SNRPN: variants seen among roughly 807,000 people sequenced by gnomAD.
The protein encoded by SNRPN is small nuclear ribonucleoprotein-associated protein N.
In SNRPN, 7 loss-of-function variants were observed where a neutral mutation model predicts 25.2. The ratio of observed to expected loss-of-function variants is 0.28; its 90% CI spans 0.16 to 0.52. The LOEUF is 0.52. Among genes scored for constraint, SNRPN ranks in the 20% least tolerant of loss-of-function variants. The probability of loss-of-function intolerance (pLI) is 0.96; values close to 1 mark genes in which losing one functional copy is unlikely to be tolerated. For synonymous variants in SNRPN, 124 were observed against 110.6 expected (o/e 1.12, Z -0.76); for missense variants, 196 against 322.5 (o/e 0.61, Z 3.00).
At chr15:24,856,368 A>G (rs763964233), upstream of SNRPN, among the ~76,000 whole-genome samples, 12 of 152,170 alleles carry the variant, frequency 7.9e-5, no homozygotes, top group Non-Finnish European at 1.5e-4. Flanking sequence ...ATTTTATGAG[A>G]TGTCAACACT....
At chr15:24,956,254 T>C (rs201416814) in intron 1 of SNRPN, among the ~76,000 whole-genome samples, 1 of 151,416 alleles carries the variant, frequency 6.6e-6, no homozygotes, top group African/African-American at 2.4e-5. Flanking sequence ...TGGAAGGCTA[T>C]GTCGAAATAA....
intron 2 of SNRPN, among the ~76,000 whole-genome samples, chr15:24,896,075 A>G (rs2058066083): frequency 6.6e-6 from 1 of 152,222 alleles, no homozygotes; most frequent in Non-Finnish European, 1.5e-5. Flanking sequence ...GATGCACAGA[A>G]CACATTAGTT....
chr15:24,825,754 C>T (rs1170226435), intron 1 of SNRPN, among the ~76,000 whole-genome samples: 2 of 152,012 alleles, frequency 1.3e-5, no homozygotes, highest in Non-Finnish European at 2.9e-5. Flanking sequence ...TTAAATATCT[C>T]ATGTAACTTA....
chr15:24,836,859 T>C (rs2051244592), intron 2 of SNRPN, among the ~76,000 whole-genome samples: 1 of 152,132 alleles, frequency 6.6e-6, no homozygotes, highest in African/African-American at 2.4e-5. Flanking sequence ...GGTAATAAAC[T>C]GGGAGGAACT....
At chr15:24,885,199 T>G (rs2057089166) in intron 1 of SNRPN, among the ~76,000 whole-genome samples, 2 of 152,168 alleles carry the variant, frequency 1.3e-5, no homozygotes, top group African/African-American at 4.8e-5. Flanking sequence ...GTTGTAGGAG[T>G]GTATCCTTGC....
At chr15:24,922,028 C>T (rs1242240523) in intron 3 of SNRPN, among the ~76,000 whole-genome samples, 2 of 140,090 alleles carry the variant, frequency 1.4e-5, no homozygotes, top group Non-Finnish European at 3.0e-5. Flanking sequence ...GTGAAACCTC[C>T]GTCTCTACTA....
intron 1 of SNRPN, among the ~76,000 whole-genome samples, chr15:24,868,233 CTTA>C (rs1338456125): frequency 1.3e-5 from 2 of 151,978 alleles, no homozygotes; most frequent in Admixed American, 6.6e-5. Flanking sequence ...CTATTGTTTC[CTTA>C]TTATAGGCAA....
At position 24,841,454 on chromosome 15, in the gene SNRPN, T is replaced by C. The variant is rs116654546; in HGVS notation, c.-579+11549T>C. ...ATAAGCATCACGGGCCACCAGTTTG[T>C]TCCCAAACCTCCCAATGTCATCCGT... On this transcript the variant is annotated intron_variant, in intron 2 of 12. Coordinates refer to the SNRPN transcript ENST00000400100. 5.3e-3 allele frequency among the ~76,000 whole-genome samples: 811 copies of C among 152,274 alleles called. 8 individuals are homozygous for C. The highest frequency in any genetic ancestry group is 0.019 in the African/African-American group (791 of 41,584).
intron 2 of SNRPN, among the ~76,000 whole-genome samples, chr15:24,837,471 C>T (rs1430203194): frequency 1.3e-5 from 2 of 148,924 alleles, no homozygotes; most frequent in Non-Finnish European, 3.0e-5. Context: ...TGGGTTCACG[C>T]CATTCTCCTG....
chr15:24,871,281 C>T (rs2055097977), intron 1 of SNRPN, among the ~76,000 whole-genome samples: 1 of 151,994 alleles, frequency 6.6e-6, no homozygotes, highest in African/African-American at 2.4e-5. Context: ...GATGTAGCGA[C>T]CATGCAGGAA....
At chr15:24,927,281 T>G (rs2060446606) in intron 3 of SNRPN, among the ~76,000 whole-genome samples, 2 of 151,832 alleles carry the variant, frequency 1.3e-5, no homozygotes, top group African/African-American at 4.8e-5. Flanking sequence ...CTACCGTACC[T>G]GGCTAATTTT....
chr15:24,944,305 C>T (rs2061747235), intron 3 of SNRPN, among the ~76,000 whole-genome samples: 1 of 152,208 alleles, frequency 6.6e-6, no homozygotes, highest in Non-Finnish European at 1.5e-5. Context: ...CTACTTTGTT[C>T]AGTGAAATTA....
At chr15:24,934,639 A>G (rs1249343667) in intron 3 of SNRPN, among the ~76,000 whole-genome samples, 1 of 152,000 alleles carries the variant, frequency 6.6e-6, no homozygotes, top group African/African-American at 2.4e-5. Context: ...GCTCACTGCA[A>G]CCTCCACCCG....
intron 2 of SNRPN, among the ~76,000 whole-genome samples, chr15:24,842,708 T>C (rs1041834821): frequency 2.0e-5 from 3 of 152,084 alleles, no homozygotes; most frequent in African/African-American, 7.2e-5. Context: ...AAGGCCAGGG[T>C]TGTTCCAGAC....
intron 2 of SNRPN, 91 bp downstream of exon 2, chr15:24,962,300 C>A: frequency 2.9e-6 from 3 of 1,032,778 alleles, no homozygotes; most frequent in Non-Finnish European, 4.5e-6. Flanking sequence ...TTAAAATGAA[C>A]ATAATTGAAG....
intron 2 of SNRPN, among the ~76,000 whole-genome samples, chr15:24,966,444 G>C (rs2075648420): frequency 6.6e-6 from 1 of 152,004 alleles, no homozygotes; most frequent in Admixed American, 6.6e-5. Flanking sequence ...TTTTTGTTGG[G>C]GATTCATTAT....
At chr15:24,826,361 G>T (rs28412352) in intron 1 of SNRPN, among the ~76,000 whole-genome samples, 79,311 of 151,906 alleles carry the variant, frequency 0.52, 21,480 homozygotes, top group East Asian at 0.81. Context: ...GAACTCTCTT[G>T]AAGCAATAAC....
intron 2 of SNRPN, among the ~76,000 whole-genome samples, chr15:24,890,506 C>A (rs1473976348): frequency 6.6e-6 from 1 of 152,030 alleles, no homozygotes; most frequent in Non-Finnish European, 1.5e-5. Context: ...GAAACCCCAC[C>A]TCTACTAAAA....
chr15:24,834,445 A>C (rs1352158490), intron 2 of SNRPN, among the ~76,000 whole-genome samples: 1 of 152,102 alleles, frequency 6.6e-6, no homozygotes, highest in East Asian at 1.9e-4. Context: ...AATGGAGCTT[A>C]CAGCTCAGAC....
Sources: allele counts gnomAD v4.1 joint callset (sites outside exome capture counted in the v4.1 genomes callset), GRCh38; gene constraint gnomAD v4.1.1; transcripts MANE v1.5; gene names NCBI Gene and HGNC (gene_info 2026-07-23, HGNC 2026-07-21).